Variants in MGMT observed in about 807,000 individuals in gnomAD.
MGMT encodes the protein methylated-DNA--protein-cysteine methyltransferase.
MGMT carries 14 observed loss-of-function variants against 15.9 expected under a neutral mutation model. The ratio of observed to expected loss-of-function variants is 0.88; its 90% CI spans 0.58 to 1.37. The LOEUF is 1.37. MGMT is among the 40% of genes most tolerant of loss of function. The pLI, the probability that MGMT is intolerant of heterozygous loss-of-function variation, is 0.00. For missense variants in MGMT, 282 were observed against 268.1 expected, an observed-to-expected ratio of 1.05 and a Z score of -0.36; for synonymous variants, 130 against 118.2, an observed-to-expected ratio of 1.10 and a Z score of -0.65.
intron 1 of MGMT, among the ~76,000 whole-genome samples, chr10:129,519,909 C>G (rs1000155165): frequency 1.3e-5 from 2 of 152,088 alleles, no homozygotes; most frequent in Non-Finnish European, 2.9e-5. Context: ...CAGCCAGGCA[C>G]AGTGGCTTAC....
chr10:129,510,105 C>A (rs946832977), intron 1 of MGMT, among the ~76,000 whole-genome samples: 2 of 152,106 alleles, frequency 1.3e-5, no homozygotes, highest in African/African-American at 4.8e-5. Context: ...CCTGTCTCCT[C>A]GGGAGAACAC....
intron 3 of MGMT, among the ~76,000 whole-genome samples, chr10:129,747,970 G>A (rs1848712873): frequency 6.6e-6 from 1 of 152,192 alleles, no homozygotes; most frequent in East Asian, 1.9e-4. Flanking sequence ...ATCGTATCAA[G>A]GAGTCATGCT....
At chr10:129,705,245 C>T (rs1848147056) in intron 2 of MGMT, among the ~76,000 whole-genome samples, 1 of 152,206 alleles carries the variant, frequency 6.6e-6, no homozygotes, top group African/African-American at 2.4e-5. Context: ...CTTTAGATCC[C>T]AGCTTTGCCG....
intron 1 of MGMT, among the ~76,000 whole-genome samples, chr10:129,510,698 A>G (rs1406456996): frequency 6.6e-6 from 1 of 152,228 alleles, no homozygotes; most frequent in African/African-American, 2.4e-5. Flanking sequence ...GGTACAGAAT[A>G]AGGGCAGGAA....
intron 1 of MGMT, among the ~76,000 whole-genome samples, chr10:129,520,263 G>A (rs528181107): frequency 6.6e-6 from 1 of 152,174 alleles, no homozygotes; most frequent in Admixed American, 6.5e-5. Context: ...CGCTGGCACA[G>A]CTACCTGACC....
At chr10:129,744,361 C>G (rs1848669747) in intron 3 of MGMT, among the ~76,000 whole-genome samples, 1 of 152,254 alleles carries the variant, frequency 6.6e-6, no homozygotes, top group African/African-American at 2.4e-5. Flanking sequence ...CACGTCCAAA[C>G]TAACCTGGTA....
At chr10:129,488,282 A>G (rs1207722922) in intron 1 of MGMT, among the ~76,000 whole-genome samples, 1 of 152,160 alleles carries the variant, frequency 6.6e-6, no homozygotes, top group African/African-American at 2.4e-5. Context: ...CTACTGGGTA[A>G]AAATCCTGTC....
At chr10:129,757,046 C>T (rs193203461) in intron 3 of MGMT, among the ~76,000 whole-genome samples, 1 of 152,330 alleles carries the variant, frequency 6.6e-6, no homozygotes, top group East Asian at 1.9e-4. Context: ...TGCATTCGTT[C>T]GCTGCAGGGT....
chr10:129,739,663 C>A (rs934941186), intron 3 of MGMT, among the ~76,000 whole-genome samples: 1 of 152,150 alleles, frequency 6.6e-6, no homozygotes, highest in Admixed American at 6.5e-5. Flanking sequence ...AGGTCAGAAC[C>A]CCTATACCAA....
intron 3 of MGMT, among the ~76,000 whole-genome samples, chr10:129,757,366 G>C (rs1848818856): frequency 6.6e-6 from 1 of 152,204 alleles, no homozygotes; most frequent in South Asian, 2.1e-4. Flanking sequence ...TTGTTTCTCG[G>C]AACTGCTCTG....
rs576511282 is a variant in MGMT, at chr10:129,759,547, C to A, written c.414+206C>A. 6.4e-4 allele frequency among the ~76,000 whole-genome samples: 97 copies of A among 152,288 alleles called. 1 individual carries two copies. The highest frequency in any genetic ancestry group is 8.4e-4 in the Non-Finnish European group (57 of 68,024). ...AGCACTACACTCCTGGAAGCTCCCC[C>A]CTACCGGGAGCACATCTCCACTGCA... On this transcript the variant is annotated intron_variant, in intron 4 of 4. Transcript: ENST00000651593.
At chr10:129,622,582 C>T (rs1035034361) in intron 2 of MGMT, among the ~76,000 whole-genome samples, 1 of 152,216 alleles carries the variant, frequency 6.6e-6, no homozygotes, top group Non-Finnish European at 1.5e-5. Flanking sequence ...TATCAGCAGA[C>T]TTCAGTTATC....
At chr10:129,528,730 C>T (rs1380050760) in intron 1 of MGMT, among the ~76,000 whole-genome samples, 1 of 152,168 alleles carries the variant, frequency 6.6e-6, no homozygotes, top group Non-Finnish European at 1.5e-5. Context: ...TCTGTCAAGG[C>T]TTTTGGCCTT....
chr10:129,686,362 T>C (rs148997472), intron 2 of MGMT, among the ~76,000 whole-genome samples: 2,667 of 152,202 alleles, frequency 0.018, 45 homozygotes, highest in Non-Finnish European at 0.029. Context: ...TGTCTCTGTT[T>C]TTATTTATGT....
At chr10:129,749,156 T>G (rs1421436428) in intron 3 of MGMT, among the ~76,000 whole-genome samples, 2 of 152,222 alleles carry the variant, frequency 1.3e-5, no homozygotes, top group African/African-American at 4.8e-5. Context: ...TTACATACAT[T>G]GCTTAGATTC....
At chr10:129,708,826 T>C (rs969293653) in intron 3 of MGMT, among the ~76,000 whole-genome samples, 1 of 152,168 alleles carries the variant, frequency 6.6e-6, no homozygotes, top group Non-Finnish European at 1.5e-5. Context: ...CTTGAGATTT[T>C]AGATGTGGTG....
At position 129,769,925 on chromosome 10, in the gene MGMT, G is replaced by A. The variant is rs2133193472; in HGVS notation, c.*2928G>A. On this transcript the variant is annotated 3_prime_UTR_variant, in exon 5 of 5. Coordinates refer to ENST00000651593, the MANE Select transcript of MGMT (RefSeq NM_002412.5). ...GGGGCATGAATTTGCACTTCCAGAT[G>A]TGAAGGTTGCAGGCACCGGGCGTTG... Among the ~76,000 whole-genome samples, 1 of 152,318 alleles carries A rather than the reference G, an allele frequency of 6.6e-6. No homozygotes were observed. Among genetic ancestry groups the A allele is most frequent in the Admixed American group, 6.5e-5 (1 of 15,304 alleles).
intron 2 of MGMT, among the ~76,000 whole-genome samples, chr10:129,572,331 T>C (rs1273556786): frequency 1.3e-5 from 2 of 152,236 alleles, no homozygotes; most frequent in Admixed American, 1.3e-4. Flanking sequence ...CTTCAAATCT[T>C]AGATTAACAC....
At chr10:129,563,960 C>G (rs183642438) in intron 2 of MGMT, 2 of 152,312 alleles carry the variant, frequency 1.3e-5, no homozygotes, top group African/African-American at 4.8e-5. Flanking sequence ...CCTTGCCATC[C>G]TTTGGCCTTG....
Sources: gnomAD v4.1 joint callset for allele counts (sites outside exome capture counted in the v4.1 genomes callset) on GRCh38, gnomAD v4.1.1 for gene constraint, MANE v1.5 for transcripts, NCBI Gene and HGNC (gene_info 2026-07-23, HGNC 2026-07-21) for gene names.